CPNE4: variants seen among roughly 807,000 people sequenced by gnomAD.
CPNE4 encodes the protein copine 4.
Under a neutral mutation model 67.9 loss-of-function variants are expected in CPNE4, and 25 were observed. The ratio of observed to expected loss-of-function variants is 0.37; its 90% CI spans 0.27 to 0.51. The LOEUF (loss-of-function observed/expected upper bound fraction) is 0.51, where lower values mean the gene tolerates loss of function less well. Among genes scored for constraint, CPNE4 ranks in the 20% least tolerant of loss-of-function variants. CPNE4 has a pLI of 0.93. For missense variants in CPNE4, 464 were observed against 690.8 expected (o/e 0.67, Z 3.68); for synonymous variants, 242 against 244.9 (o/e 0.99, Z 0.11).
At chr3:132,028,098 G>C (rs1228715510) in intron 1 of CPNE4, among the ~76,000 whole-genome samples, 4 of 152,164 alleles carry the variant, frequency 2.6e-5, no homozygotes, top group African/African-American at 9.7e-5. Context: ...CATGGTGCAA[G>C]TTGATTAGAT....
chr3:131,761,934 G>T (rs2082900702), intron 2 of CPNE4, among the ~76,000 whole-genome samples: 1 of 152,094 alleles, frequency 6.6e-6, no homozygotes, highest in African/African-American at 2.4e-5. Context: ...TTTTTGAGAG[G>T]AGGTAAATGG....
At chr3:131,820,131 A>G (rs534871074) in intron 2 of CPNE4, among the ~76,000 whole-genome samples, 4 of 152,312 alleles carry the variant, frequency 2.6e-5, no homozygotes, top group East Asian at 3.9e-4. Flanking sequence ...AAAATGCCCA[A>G]TACAAGGTGT....
intron 2 of CPNE4, among the ~76,000 whole-genome samples, chr3:131,723,896 T>A (rs2081944964): frequency 6.6e-6 from 1 of 152,174 alleles, no homozygotes; most frequent in African/African-American, 2.4e-5. Context: ...TATCATTATA[T>A]CATTATGTCA....
intron 1 of CPNE4, among the ~76,000 whole-genome samples, chr3:132,030,329 C>T (rs1125404): frequency 0.65 from 98,924 of 152,004 alleles, 32,995 homozygotes; most frequent in Middle Eastern, 0.73. Context: ...CTAGAGTCAG[C>T]AGATGATCCC....
At chr3:131,630,596 G>GAAAAT (rs1394746098) in intron 7 of CPNE4, among the ~76,000 whole-genome samples, 2 of 152,034 alleles carry the variant, frequency 1.3e-5, no homozygotes, top group African/African-American at 2.4e-5. Flanking sequence ...TTTAAACAAT[G>GAAAAT]AAAATAAAAT....
intron 2 of CPNE4, among the ~76,000 whole-genome samples, chr3:131,737,532 G>T (rs1583110520): frequency 6.6e-6 from 1 of 152,110 alleles, no homozygotes; most frequent in African/African-American, 2.4e-5. Context: ...ATCACTGTCA[G>T]CATCATTAAA....
intron 1 of CPNE4, among the ~76,000 whole-genome samples, chr3:132,027,437 T>A (rs1295663517): frequency 2.0e-5 from 3 of 152,148 alleles, no homozygotes; most frequent in African/African-American, 7.2e-5. Flanking sequence ...TAAAATTAAA[T>A]CAGGTTAGGA....
At chr3:131,610,368 T>C (rs1299661390) in intron 7 of CPNE4, among the ~76,000 whole-genome samples, 3 of 152,164 alleles carry the variant, frequency 2.0e-5, no homozygotes, top group Admixed American at 2.0e-4. Flanking sequence ...CTCTGTCACA[T>C]TGAATTCCTT....
chr3:131,583,122 G>A (rs1311949340), intron 8 of CPNE4, among the ~76,000 whole-genome samples: 2 of 151,736 alleles, frequency 1.3e-5, no homozygotes, highest in South Asian at 2.1e-4. Context: ...ATTCTTGGGT[G>A]AAAGAAAGAA....
chr3:131,858,439 G>A (rs1031122685), intron 2 of CPNE4, among the ~76,000 whole-genome samples: 1 of 152,118 alleles, frequency 6.6e-6, no homozygotes, highest in East Asian at 1.9e-4. Context: ...ACTTGGATAA[G>A]AAAAGTTGGT....
chr3:131,955,748 T>A (rs2071945995), intron 1 of CPNE4, among the ~76,000 whole-genome samples: 1 of 152,184 alleles, frequency 6.6e-6, no homozygotes, highest in African/African-American at 2.4e-5. Context: ...TGCTTAAATG[T>A]CTTTGCAACT....
At chr3:131,913,125 G>C (rs540012569) in intron 1 of CPNE4, among the ~76,000 whole-genome samples, 2 of 152,174 alleles carry the variant, frequency 1.3e-5, no homozygotes, top group East Asian at 3.9e-4. Context: ...GTAAGAGAGG[G>C]CTCCCCCCAC....
intron 7 of CPNE4, among the ~76,000 whole-genome samples, chr3:131,623,593 T>C (rs1252105169): frequency 6.6e-6 from 1 of 152,220 alleles, no homozygotes; most frequent in Non-Finnish European, 1.5e-5. Flanking sequence ...ATTTATGCCT[T>C]AACAAAAAGC....
chr3:131,570,149 A>ATTAC (rs1937259378), intron 10 of CPNE4, among the ~76,000 whole-genome samples: 1 of 151,806 alleles, frequency 6.6e-6, no homozygotes, highest in Non-Finnish European at 1.5e-5. Context: ...ATAGTATTTA[A>ATTAC]AGGAATACTG....
At chr3:131,553,370 A>G (rs1440799472) in intron 12 of CPNE4, among the ~76,000 whole-genome samples, 1 of 152,086 alleles carries the variant, frequency 6.6e-6, no homozygotes, top group South Asian at 2.1e-4. Context: ...CTTCCAGGTA[A>G]GCCAGCTGAC....
Position 131,533,702 on chromosome 3 carries a change from AT to A in CPNE4, c.*1492del, listed in dbSNP as rs1302496572. On this transcript the variant is annotated 3_prime_UTR_variant, in exon 16 of 16. Transcript: ENST00000429747. The stretch of plus-strand genomic sequence containing the variant: ...TGTATTTGCAAGATTAGGATCTATA[AT>A]TGTAACTGTGGAAATCATAGAAGGC... The A allele has an allele frequency of 1.2e-4, 18 of 152,212 alleles. No individual in the cohort carries two copies. The highest frequency in any genetic ancestry group is 4.6e-4 in the Admixed American group (7 of 15,270). The allele number at this position is 152,212 out of a possible 1,614,324, so 9.4% of individuals were successfully genotyped here.
intron 2 of CPNE4, among the ~76,000 whole-genome samples, chr3:131,810,021 G>C (rs2084463111): frequency 6.6e-6 from 1 of 151,980 alleles, no homozygotes; most frequent in Non-Finnish European, 1.5e-5. Context: ...AGGAGGACGA[G>C]GAGGAGGAGA....
chr3:131,688,653 A>G (rs2080955777), intron 5 of CPNE4, among the ~76,000 whole-genome samples: 1 of 152,184 alleles, frequency 6.6e-6, no homozygotes, highest in South Asian at 2.1e-4. Context: ...ACTGCTAACC[A>G]CAATGTAAGA....
chr3:131,723,866 G>A (rs934690028), intron 2 of CPNE4, among the ~76,000 whole-genome samples: 2 of 152,136 alleles, frequency 1.3e-5, no homozygotes, highest in East Asian at 1.9e-4. Context: ...CATTGTATGA[G>A]TTTGCATTAT....
Sources: gnomAD v4.1 joint callset for allele counts (sites outside exome capture counted in the v4.1 genomes callset) on GRCh38, gnomAD v4.1.1 for gene constraint, MANE v1.5 for transcripts, NCBI Gene and HGNC (gene_info 2026-07-23, HGNC 2026-07-21) for gene names.